The following UPB1 variants were observed in gnomAD, a reference collection of about 807,000 sequenced individuals.
UPB1 encodes the protein beta-ureidopropionase.
A neutral mutation model predicts 49.1 loss-of-function variants in UPB1; 40 were observed. That is an observed-to-expected ratio of 0.81 (90% confidence interval 0.63 to 1.06). The LOEUF is 1.06. UPB1 is among the 50% of genes least tolerant of loss of function. The probability of loss-of-function intolerance (pLI) is 0.00; values close to 1 mark genes in which losing one functional copy is unlikely to be tolerated. For synonymous variants in UPB1, 207 were observed against 198.2 expected (o/e 1.04, Z -0.38); for missense variants, 499 against 505.9 (o/e 0.99, Z 0.13).
chr22:24,496,404 T>TAC (rs1012330972), intron 1 of UPB1, among the ~76,000 whole-genome samples: 24,945 of 126,548 alleles, frequency 0.2, 2,337 homozygotes, highest in African/African-American at 0.27. Context: ...CACACACACA[T>TAC]ACACACACAC....
chr22:24,520,150 G>A (rs993241632), intron 6 of UPB1: 14 of 576,948 alleles, frequency 2.4e-5, no homozygotes, highest in African/African-American at 1.5e-4. Flanking sequence ...CTTCCCAAAG[G>A]CTGTTCAGGC....
intron 9 of UPB1, 55 bp from the exon 10 acceptor site, chr22:24,525,656 T>C: frequency 6.2e-7 from 1 of 1,608,154 alleles, no homozygotes; most frequent in Non-Finnish European, 8.5e-7. Context: ...GGCGTGTAAG[T>C]GATGGGGATT....
At chr22:24,523,501 C>T in intron 8 of UPB1, 118 bp from the exon 9 acceptor site, 1 of 1,466,290 alleles carries the variant, frequency 6.8e-7, no homozygotes, top group Non-Finnish European at 9.4e-7. Context: ...ATTTGGCAGA[C>T]ACTGGGGAGG....
intron 4 of UPB1, among the ~76,000 whole-genome samples, chr22:24,512,764 T>C (rs2044228567): frequency 6.6e-6 from 1 of 152,210 alleles, no homozygotes; most frequent in Non-Finnish European, 1.5e-5. Flanking sequence ...TCTAGATACC[T>C]TACACAAGTG....
At chr22:24,501,422 C>T (rs1321050157) in intron 2 of UPB1, among the ~76,000 whole-genome samples, 1 of 152,228 alleles carries the variant, frequency 6.6e-6, no homozygotes, top group Non-Finnish European at 1.5e-5. Context: ...CCCAAGGAGC[C>T]TGTGGGGTCC....
chr22:24,513,718 A>C (rs2044246511), intron 5 of UPB1, among the ~76,000 whole-genome samples: 1 of 152,224 alleles, frequency 6.6e-6, no homozygotes, highest in African/African-American at 2.4e-5. Context: ...AAACACCTTT[A>C]GCACAATGGG....
intron 4 of UPB1, among the ~76,000 whole-genome samples, chr22:24,512,004 CTT>C (rs577244728): frequency 4.5e-4 from 69 of 152,200 alleles, no homozygotes; most frequent in East Asian, 3.9e-3. Context: ...CACAATAACT[CTT>C]TTCATTTCTT....
intron 3 of UPB1, 97 bp downstream of exon 3, chr22:24,502,310 C>G: frequency 7.6e-7 from 1 of 1,321,088 alleles, no homozygotes; most frequent in Non-Finnish European, 1.1e-6. Flanking sequence ...TTTAAAGAAT[C>G]TCCTTTGTTT....
intron 9 of UPB1, among the ~76,000 whole-genome samples, chr22:24,524,194 G>A (rs537867698): frequency 2.3e-4 from 35 of 152,342 alleles, no homozygotes; most frequent in African/African-American, 8.4e-4. Flanking sequence ...AATGGGTCAT[G>A]CAGAGAAATG....
Position 24,502,440 on chromosome 22 carries a change from C to T in UPB1, c.364+227C>T, listed in dbSNP as rs779169581. ...CACATCGTTCTGAATCCATTCGCTC[C>T]TCTCCATCTCTCTACCACCACCTGG... On this transcript the variant is annotated intron_variant, in intron 3 of 9. Coordinates refer to ENST00000326010, the MANE Select transcript of UPB1 (RefSeq NM_016327.3). 11 of 782,092 alleles carry T rather than the reference C, an allele frequency of 1.4e-5. No individual in the cohort carries two copies. The East Asian group carries it at 2.7e-4, about 19-fold the overall frequency. 48.4% of individuals were successfully genotyped at this position (782,092 alleles called of 1,614,324 possible).
chr22:24,500,901 G>T (rs535812264), intron 2 of UPB1, among the ~76,000 whole-genome samples: 2 of 152,318 alleles, frequency 1.3e-5, no homozygotes, highest in Admixed American at 6.5e-5. Context: ...TTCCTGCACA[G>T]GTTTCCTCAG....
intron 6 of UPB1, 81 bp downstream of exon 6, chr22:24,515,451 T>C: frequency 3.1e-6 from 5 of 1,597,018 alleles, no homozygotes; most frequent in Non-Finnish European, 4.3e-6. Context: ...AGCTCCAAGG[T>C]GGCAGCAGGC....
intron 8 of UPB1, among the ~76,000 whole-genome samples, chr22:24,523,284 C>T (rs964684812): frequency 6.6e-6 from 1 of 152,210 alleles, no homozygotes; most frequent in African/African-American, 2.4e-5. Flanking sequence ...AAGGCAGAGC[C>T]TCCAGCTCAC....
intron 6 of UPB1, chr22:24,516,572 TGGC>T (rs902803189): frequency 1.3e-5 from 2 of 152,278 alleles, no homozygotes; most frequent in African/African-American, 4.8e-5. Context: ...TCTGTGGTCT[TGGC>T]TGCCAGTGTC....
At chr22:24,511,888 T>G (rs768029324) in intron 4 of UPB1, among the ~76,000 whole-genome samples, 1 of 152,212 alleles carries the variant, frequency 6.6e-6, no homozygotes, top group African/African-American at 2.4e-5. Flanking sequence ...GTGCTGGGAT[T>G]ATAGGCGTGA....
At chr22:24,496,205 A>C (rs941646090) in intron 1 of UPB1, among the ~76,000 whole-genome samples, 2 of 152,094 alleles carry the variant, frequency 1.3e-5, no homozygotes, top group Admixed American at 6.6e-5. Flanking sequence ...ACCCATCTCT[A>C]TAAAGCATTT....
At chr22:24,514,703 A>G (rs2044262787) in intron 5 of UPB1, among the ~76,000 whole-genome samples, 1 of 152,218 alleles carries the variant, frequency 6.6e-6, no homozygotes, top group Non-Finnish European at 1.5e-5. Context: ...TGTGGGTTCC[A>G]CTAGAAGCTT....
chr22:24,507,551 T>C (rs2044112624), intron 3 of UPB1, among the ~76,000 whole-genome samples: 1 of 152,152 alleles, frequency 6.6e-6, no homozygotes, highest in Non-Finnish European at 1.5e-5. Context: ...TATAAAGAAA[T>C]ACTTTTTAGG....
chr22:24,507,989 G>A (rs552410415), intron 3 of UPB1, among the ~76,000 whole-genome samples: 1 of 152,190 alleles, frequency 6.6e-6, no homozygotes, highest in East Asian at 1.9e-4. Context: ...CTGCACACCG[G>A]ATTTCTCTTG....
Sources: gnomAD v4.1 joint callset for allele counts (sites outside exome capture counted in the v4.1 genomes callset) on GRCh38, gnomAD v4.1.1 for gene constraint, MANE v1.5 for transcripts, NCBI Gene and HGNC (gene_info 2026-07-23, HGNC 2026-07-21) for gene names.